Variants in SBF1 observed in about 807,000 individuals in gnomAD.
The protein encoded by SBF1 is SET binding factor 1, also known as myotubularin-related protein 5.
In SBF1, 65 loss-of-function variants were observed where a neutral mutation model predicts 215.8. That is an observed-to-expected ratio of 0.30 (90% CI 0.25 to 0.37). The LOEUF is 0.37. SBF1 is among the 10% of genes least tolerant of loss of function. The probability of loss-of-function intolerance (pLI) is 1.00; values close to 1 mark genes in which losing one functional copy is unlikely to be tolerated. For synonymous variants in SBF1, 1,410 were observed against 1,122.8 expected (o/e 1.26, Z -5.11); for missense variants, 2,634 against 2,667.8 (o/e 0.99, Z 0.28).
Position 50,459,684 on chromosome 22 carries a change from C to T in SBF1, c.3492-18G>A, listed in dbSNP as rs759553221. 32 of 1,586,252 alleles carry T rather than the reference C, an allele frequency of 2.0e-5. No individual in the cohort carries two copies. The highest frequency in any genetic ancestry group is 4.1e-4 in the Middle Eastern group (2 of 4,914). ...CTGGGTAGCTGAGAGGAGGCAGAGGCGTGAAGGTGGCTGGCGACCCCACCC... is the reference window on the plus strand; with the variant it reads ...CTGGGTAGCTGAGAGGAGGCAGAGGTGTGAAGGTGGCTGGCGACCCCACCC... On this transcript the variant is annotated intron_variant, in intron 26 of 40. Coordinates refer to ENST00000380817, the MANE Select transcript of SBF1 (RefSeq NM_002972.4).
chr22:50,467,019 G>C (rs1249244513), intron 5 of SBF1: 1 of 564,618 alleles, frequency 1.8e-6, no homozygotes, highest in African/African-American at 1.9e-5. Flanking sequence ...GGACAGACGG[G>C]CAGAAAGACA....
intron 36 of SBF1, among the ~76,000 whole-genome samples, chr22:50,453,123 C>G (rs775370615): frequency 1.3e-5 from 2 of 152,066 alleles, no homozygotes; most frequent in Non-Finnish European, 2.9e-5. Flanking sequence ...GACTGGATAA[C>G]AAGAAGACCC....
chr22:50,459,691 G>A, intron 26 of SBF1, 25 bp from the exon 27 acceptor site: 1 of 1,576,092 alleles, frequency 6.3e-7, no homozygotes, highest in Non-Finnish European at 8.6e-7. Flanking sequence ...AGGCGTGAAG[G>A]TGGCTGGCGA....
At position 50,467,848 on chromosome 22, in the gene SBF1, T is replaced by C. The variant is rs756771124; in HGVS notation, c.217A>G (p.Ile73Val). 4.2e-5 allele frequency: 68 copies of C among 1,613,836 alleles called. No individual in the cohort carries two copies. Among genetic ancestry groups the C allele is most frequent in the Non-Finnish European group, 5.3e-5 (63 of 1,179,970 alleles). ...PTFFVAVLTD[I>V]NSERHYCACL... The stretch of plus-strand genomic sequence containing the variant: ...GCGCAGTAGTGGCGCTCGGAGTTGA[T>C]GTCGGTGAGGACAGCAACAAAGAAG... Residue 73 changes from isoleucine (I) to valine (V), a missense_variant, in exon 3 of 41, where the codon ATC becomes GTC. Ile to Val is a conservative substitution (Grantham distance 29). Coordinates refer to ENST00000380817, the MANE Select transcript of SBF1 (RefSeq NM_002972.4).
At chr22:50,458,531 G>A (rs895997617) in intron 28 of SBF1, among the ~76,000 whole-genome samples, 2 of 152,188 alleles carry the variant, frequency 1.3e-5, no homozygotes, top group Admixed American at 1.3e-4. Flanking sequence ...TCTGGCAGGG[G>A]TGGGAAGGCA....
rs972383109 is a variant in SBF1, at chr22:50,445,366, G to C, written c.*1776C>G. On this transcript the variant is annotated 3_prime_UTR_variant, in exon 41 of 41. Transcript: ENST00000380817. The stretch of plus-strand genomic sequence containing the variant: ...CCAGCTCCCCCTCCCAGAAGCCTGG[G>C]CCCCACCTTGTCCTCAGTGGCTGAG... The C allele has an allele frequency of 6.6e-6, 1 of 152,242 alleles. No individual in the cohort carries two copies. Among genetic ancestry groups the C allele is most frequent in the South Asian group, 2.1e-4 (1 of 4,830 alleles). 9.4% of individuals were successfully genotyped at this position (152,242 alleles called of 1,614,324 possible).
At chr22:50,456,431 G>A (rs2067249697) in intron 30 of SBF1, 36 bp from the exon 31 acceptor site, 1 of 1,600,854 alleles carries the variant, frequency 6.2e-7, no homozygotes. Flanking sequence ...TGAGACACAT[G>A]AGGCCCCAAG....
intron 31 of SBF1, chr22:50,455,884 C>T: frequency 1.8e-6 from 1 of 568,582 alleles, no homozygotes; most frequent in Non-Finnish European, 3.1e-6. Context: ...ACCAAGCCAG[C>T]ATCCTGTCAG....
At chr22:50,447,641 A>T in intron 38 of SBF1, 32 bp from the exon 39 acceptor site, 2 of 1,515,268 alleles carry the variant, frequency 1.3e-6, no homozygotes, top group East Asian at 4.7e-5. Flanking sequence ...GGCCAGGCTG[A>T]CCGTCATGGC....
At position 50,464,570 on chromosome 22, in the gene SBF1, C is replaced by T. The variant is rs1367741304; in HGVS notation, c.1600G>A (p.Glu534Lys). 9 of 1,611,886 alleles carry T rather than the reference C, an allele frequency of 5.6e-6. No homozygotes were observed. Among genetic ancestry groups the T allele is most frequent in the Admixed American group, 1.7e-5 (1 of 59,904 alleles). Residue 534 changes from glutamate (E) to lysine (K), a missense_variant, in exon 14 of 41, where the codon GAG (glutamate) becomes AAG (lysine). Coordinates refer to ENST00000380817, the MANE Select transcript of SBF1 (RefSeq NM_002972.4). ...CCTGAGGGCACGGTGGTCCTCCTCT[C>T]GGCCTTCACAGCTGGGGGTGCACCC... Reference protein sequence around the residue: ...MQGAPPAVKAERRTTVPSGPP... With the variant: ...MQGAPPAVKAKRRTTVPSGPP...
chr22:50,471,761 C>A (rs1304433195), intron 1 of SBF1, among the ~76,000 whole-genome samples: 1 of 152,114 alleles, frequency 6.6e-6, no homozygotes, highest in African/African-American at 2.4e-5. Flanking sequence ...AGGGTGGAGG[C>A]TGGGAGGCAG....
At chr22:50,453,742 G>A (rs547920591) in intron 36 of SBF1, among the ~76,000 whole-genome samples, 9 of 152,144 alleles carry the variant, frequency 5.9e-5, no homozygotes, top group South Asian at 4.2e-4. Context: ...AGCGGAGATC[G>A]CGCCACTACA....
At chr22:50,472,369 C>A (rs2068026213) in intron 1 of SBF1, among the ~76,000 whole-genome samples, 1 of 152,192 alleles carries the variant, frequency 6.6e-6, no homozygotes, top group African/African-American at 2.4e-5. Context: ...CCAAGACAAG[C>A]TATCCGCCAA....
chr22:50,468,321 G>T, intron 2 of SBF1, 55 bp downstream of exon 2: 1 of 1,530,690 alleles, frequency 6.5e-7, no homozygotes, highest in Non-Finnish European at 9.0e-7. Context: ...GGGCAGGGCT[G>T]TGCCCACCTG....
chr22:50,445,133 C>T lies in SBF1; in HGVS notation c.*2009G>A, dbSNP rs2066726716. 6.6e-6 allele frequency: 1 copy of T among 152,532 alleles called. No homozygotes were observed. Among genetic ancestry groups the T allele is most frequent in the African/African-American group, 2.4e-5 (1 of 41,458 alleles). 9.4% of individuals were successfully genotyped at this position (152,532 alleles called of 1,614,324 possible). On this transcript the variant is annotated 3_prime_UTR_variant, in exon 41 of 41. Transcript: ENST00000380817. ...TCCGGCCCCAAAGCCCCGGCCCGGC[C>T]AGGGGTGGGAGAGTCTCCTCCAGCA...
intron 15 of SBF1, among the ~76,000 whole-genome samples, chr22:50,463,860 AAG>A (rs774885047): frequency 3.3e-5 from 5 of 152,254 alleles, no homozygotes; most frequent in African/African-American, 4.8e-5. Flanking sequence ...AATGAAAAAC[AAG>A]AGTCTCCAAC....
chr22:50,462,572 A>G lies in SBF1; in HGVS notation c.2114T>C (p.Leu705Pro), dbSNP rs1237568158. The G allele has an allele frequency of 1.9e-6, 3 of 1,611,788 alleles. No individual in the cohort carries two copies. Among genetic ancestry groups the G allele is most frequent in the African/African-American group, 2.7e-5 (2 of 75,022 alleles). ...GTCCCTGCGCACCTGGGCGGGGGCC[A>G]GGTCCTCCGTGGGCTCCAGGTAGAG... ...RALYLEPTED[L>P]APAQEVGEAP... Residue 705 changes from leucine (L) to proline (P), a missense_variant, in exon 18 of 41, where the codon CTG becomes CCG. Transcript: ENST00000380817.
At position 50,467,356 on chromosome 22, in the gene SBF1, G is replaced by C; in HGVS notation, c.531C>G (p.Pro177=). The C allele has an allele frequency of 6.2e-7, 1 of 1,614,086 alleles. No individual in the cohort carries two copies. Among genetic ancestry groups the C allele is most frequent in the Non-Finnish European group, 8.5e-7 (1 of 1,179,984 alleles). Residue 177 remains proline, a synonymous_variant, in exon 5 of 41, where the codon CCC becomes CCG. Transcript: ENST00000380817. The stretch of plus-strand genomic sequence containing the variant: ...AACTCACCTGCGAGCCCCCAGCCAG[G>C]GGCACAGTGCACGTCAGCAGGTTCC... The part of the protein sequence containing the change: ...VIGNLLTCTV[P]LAGGSQRTIS...
At position 50,464,679 on chromosome 22, in the gene SBF1, G is replaced by T; in HGVS notation, c.1491C>A (p.His497Gln). ...GGAAGGGTCGGGGCACCCGTCGCAG[G>T]TGGCTGCTCTCACCGGGCCTCTGTA... ...HKVQRPGESS[H>Q]LRRVPRPFPR... is the part of the protein sequence containing the mutation. Residue 497 changes from histidine (H) to glutamine (Q), a missense_variant, in exon 14 of 41, where the codon CAC becomes CAA. His to Gln is a conservative substitution (Grantham distance 24). Coordinates refer to ENST00000380817, the MANE Select transcript of SBF1 (RefSeq NM_002972.4). 1 of 1,607,790 alleles carries T rather than the reference G, an allele frequency of 6.2e-7. No homozygotes were observed. Among genetic ancestry groups the T allele is most frequent in the Admixed American group, 1.7e-5 (1 of 59,948 alleles).
Sources: allele counts gnomAD v4.1 joint callset (sites outside exome capture counted in the v4.1 genomes callset), GRCh38; gene constraint gnomAD v4.1.1; transcripts MANE v1.5; gene names NCBI Gene and HGNC (gene_info 2026-07-23, HGNC 2026-07-21).